Variants in MARCHF10 observed in about 807,000 individuals in gnomAD.
The protein encoded by MARCHF10 is probable E3 ubiquitin-protein ligase MARCHF10.
In MARCHF10, 64 loss-of-function variants were observed where a neutral mutation model predicts 76.2. That is an observed-to-expected ratio of 0.84 (90% CI 0.69 to 1.03). The LOEUF (loss-of-function observed/expected upper bound fraction) is 1.03, where lower values mean the gene tolerates loss of function less well. Among genes scored for constraint, MARCHF10 ranks in the 50% least tolerant of loss-of-function variants. The pLI is 0.00. For missense variants in MARCHF10, 875 were observed against 958.0 expected, an observed-to-expected ratio of 0.91 and a Z score of 1.14; for synonymous variants, 340 against 357.5, an observed-to-expected ratio of 0.95 and a Z score of 0.55.
chr17:62,713,661 G>C (rs545283464), intron 8 of MARCHF10, among the ~76,000 whole-genome samples: 3 of 152,336 alleles, frequency 2.0e-5, no homozygotes, highest in African/African-American at 4.8e-5. Flanking sequence ...TTAACTCAAA[G>C]AGTTCCACCG....
intron 3 of MARCHF10, among the ~76,000 whole-genome samples, chr17:62,781,898 A>T (rs1312693875): frequency 6.6e-6 from 1 of 152,202 alleles, no homozygotes; most frequent in Non-Finnish European, 1.5e-5. Context: ...ATTTCCATGG[A>T]TTAAGCAATT....
At chr17:62,765,167 T>C (rs897599038) in intron 3 of MARCHF10, among the ~76,000 whole-genome samples, 3 of 139,370 alleles carry the variant, frequency 2.2e-5, no homozygotes, top group African/African-American at 8.2e-5. Flanking sequence ...GCCAACATGG[T>C]GAAGCCCCGT....
intron 3 of MARCHF10, among the ~76,000 whole-genome samples, chr17:62,775,230 A>G (rs2092528705): frequency 6.7e-6 from 1 of 150,172 alleles, no homozygotes; most frequent in South Asian, 2.2e-4. Flanking sequence ...GGTTCAGGCA[A>G]TTCTCCTGCT....
chr17:62,804,358 A>C (rs2093128876), intron 1 of MARCHF10, among the ~76,000 whole-genome samples: 1 of 152,174 alleles, frequency 6.6e-6, no homozygotes, highest in African/African-American at 2.4e-5. Flanking sequence ...TGAAGGAAGA[A>C]TGGGAACGAA....
At position 62,740,171 on chromosome 17, in the gene MARCHF10, TAGAG is replaced by T. The variant is rs573450721; in HGVS notation, c.536-2843_536-2840del. ...ACCCTATTTTTTTATGTCTATCAAA[TAGAG>T]AGCAGATTTCAGGAGCTCTAGGGCT... On this transcript the variant is annotated intron_variant, in intron 5 of 10. Coordinates refer to ENST00000311269, the MANE Select transcript of MARCHF10 (RefSeq NM_152598.4). Among the ~76,000 whole-genome samples, 529 of 152,086 alleles carry T rather than the reference TAGAG, an allele frequency of 3.5e-3. 2 individuals are homozygous for T. The highest frequency in any genetic ancestry group is 8.6e-3 in the Admixed American group (131 of 15,250).
chr17:62,750,704 G>A (rs114589205), intron 4 of MARCHF10, among the ~76,000 whole-genome samples: 3 of 152,198 alleles, frequency 2.0e-5, no homozygotes, highest in Non-Finnish European at 2.9e-5. Context: ...GCGTCACTGC[G>A]GAGTTAACCA....
At chr17:62,800,095 T>C (rs970942863) in intron 2 of MARCHF10, among the ~76,000 whole-genome samples, 3 of 152,212 alleles carry the variant, frequency 2.0e-5, no homozygotes, top group Non-Finnish European at 4.4e-5. Context: ...CTTGTGTAAG[T>C]CCTTCCCCCT....
rs763127257 is a variant in MARCHF10, at chr17:62,759,865, C to G, written c.352G>C (p.Glu118Gln). Residue 118 changes from glutamate to glutamine, a missense_variant, in exon 4 of 11, where the codon GAG becomes CAG. Coordinates refer to ENST00000311269, the MANE Select transcript of MARCHF10 (RefSeq NM_152598.4). ...HKSTMTVRKA[E>Q]KVDPSEPSPA... ...GAGGGTTCGCTGGGGTCCACTTTCT[C>G]TGCTTTCCTTACAGTCATGGTACTT... The G allele has an allele frequency of 6.2e-7, 1 of 1,614,144 alleles. No homozygotes were observed. The highest frequency in any genetic ancestry group is 8.5e-7 in the Non-Finnish European group (1 of 1,180,034).
chr17:62,744,203 G>A (rs758519), intron 5 of MARCHF10, among the ~76,000 whole-genome samples, 173 bp downstream of exon 5: 78,799 of 151,866 alleles, frequency 0.52, 21,479 homozygotes, highest in East Asian at 0.71. Context: ...GAAAAAAAAC[G>A]CCAAAAGCCC....
chr17:62,788,665 A>C, intron 2 of MARCHF10, 66 bp from the exon 3 acceptor site: 1 of 1,601,444 alleles, frequency 6.2e-7, no homozygotes, highest in Non-Finnish European at 8.5e-7. Flanking sequence ...CTTTATGCTT[A>C]ACTCCAATGG....
chr17:62,788,331 C>A, intron 3 of MARCHF10, 149 bp downstream of exon 3: 1 of 1,060,240 alleles, frequency 9.4e-7, no homozygotes, highest in Non-Finnish European at 1.3e-6. Flanking sequence ...TAGGCTCCTT[C>A]CTGCCCCTGG....
rs770683490 is a variant in MARCHF10 at position 62,711,754 on chromosome 17, A to C, written c.2215-410T>G. 1.2e-4 allele frequency among the ~76,000 whole-genome samples: 19 copies of C among 152,160 alleles called. No individual in the cohort carries two copies. The highest frequency in any genetic ancestry group is 1.3e-4 in the Non-Finnish European group (9 of 68,032). The stretch of plus-strand genomic sequence containing the variant: ...GGTAAACAGCTCCAGTACAAGCTGG[A>C]TGTGTCGGGTGCTACAACAGAGATG... On this transcript the variant is annotated intron_variant, in intron 8 of 10. Coordinates refer to ENST00000311269, the MANE Select transcript of MARCHF10 (RefSeq NM_152598.4). The surrounding 1 kb of genome is among the most constrained non-coding windows in gnomAD (Gnocchi z 4.4).
intron 4 of MARCHF10, among the ~76,000 whole-genome samples, chr17:62,746,041 CA>C (rs780321194): frequency 1.3e-5 from 2 of 152,198 alleles, no homozygotes; most frequent in South Asian, 2.1e-4. Context: ...CCTTTTTTGG[CA>C]CATGAGGCAA....
intron 3 of MARCHF10, among the ~76,000 whole-genome samples, chr17:62,774,081 G>A (rs552128131): frequency 9.8e-5 from 15 of 152,312 alleles, no homozygotes; most frequent in African/African-American, 1.4e-4. Flanking sequence ...AGGAATCCAC[G>A]GGCGAGAGGT....
rs1365226130 is a variant in MARCHF10, at chr17:62,736,259, G to A, written c.1609C>T (p.His537Tyr). 1 of 1,614,184 alleles carries A rather than the reference G, an allele frequency of 6.2e-7. No homozygotes were observed. Among genetic ancestry groups the A allele is most frequent in the South Asian group, 1.1e-5 (1 of 91,082 alleles). ...NHNYFPVNSA[H>Y]EFAVREAEDT... ...TCTGCTTCCCTGACAGCAAATTCGT[G>A]TGCACTGTTTACTGGGAAATAATTA... The change falls in exon 6 of 11, where the codon CAC becomes TAC. Residue 537 changes from histidine to tyrosine, a missense_variant. His to Tyr is a moderately conservative substitution (Grantham distance 83). Coordinates refer to ENST00000311269, the MANE Select transcript of MARCHF10 (RefSeq NM_152598.4).
intron 2 of MARCHF10, among the ~76,000 whole-genome samples, chr17:62,792,808 T>TCAC (rs143960209): frequency 0.46 from 30,065 of 65,850 alleles, 5,915 homozygotes; most frequent in African/African-American, 0.51. Flanking sequence ...ACCACCTCCA[T>TCAC]CACCACCACC....
At chr17:62,792,854 CACA>C (rs1459496872) in intron 2 of MARCHF10, among the ~76,000 whole-genome samples, 4 of 146,842 alleles carry the variant, frequency 2.7e-5, no homozygotes, top group East Asian at 4.1e-4. Flanking sequence ...CCACCACCAC[CACA>C]ACCATCACCA....
intron 3 of MARCHF10, among the ~76,000 whole-genome samples, chr17:62,766,748 A>G (rs2092341597): frequency 1.3e-5 from 2 of 152,186 alleles, no homozygotes; most frequent in Non-Finnish European, 2.9e-5. Flanking sequence ...AGGTCATTAA[A>G]CATGGAAGTC....
intron 5 of MARCHF10, among the ~76,000 whole-genome samples, chr17:62,743,376 C>T (rs2091585388): frequency 6.6e-6 from 1 of 152,138 alleles, no homozygotes; most frequent in Admixed American, 6.5e-5. Flanking sequence ...GGCCGGGTGC[C>T]ATGGCTCACG....
Sources: gnomAD v4.1 joint callset for allele counts (sites outside exome capture counted in the v4.1 genomes callset) on GRCh38, gnomAD v4.1.1 for gene constraint, Gnocchi (gnomAD v3.1) non-coding constraint, MANE v1.5 for transcripts, NCBI Gene and HGNC (gene_info 2026-07-23, HGNC 2026-07-21) for gene names.